Variants in SPOCK1 observed in about 807,000 individuals in gnomAD.
The protein encoded by SPOCK1 is SPARC (osteonectin), cwcv and kazal like domains proteoglycan 1.
SPOCK1 carries 23 observed loss-of-function variants against 55.3 expected under a neutral mutation model. The ratio of observed to expected loss-of-function variants is 0.42; its 90% CI spans 0.30 to 0.59. SPOCK1 has a LOEUF of 0.59. SPOCK1 is among the 20% of genes least tolerant of loss of function. The probability of loss-of-function intolerance (pLI) is 0.22; values close to 1 mark genes in which losing one functional copy is unlikely to be tolerated. For missense variants in SPOCK1, 499 were observed against 552.5 expected (o/e 0.90, Z 0.97); for synonymous variants, 226 against 221.0 (o/e 1.02, Z -0.20).
At chr5:137,429,496 A>C (rs924244827) in intron 2 of SPOCK1, among the ~76,000 whole-genome samples, 31 of 152,236 alleles carry the variant, frequency 2.0e-4, no homozygotes, top group African/African-American at 7.0e-4. Context: ...AGCTCCATGA[A>C]GGCAGAAACA....
rs1310903489 is a variant in SPOCK1, at chr5:137,136,837, A to T, written c.347+3743T>A. On this transcript the variant is annotated intron_variant, in intron 4 of 10. Coordinates refer to ENST00000394945, the MANE Select transcript of SPOCK1 (RefSeq NM_004598.4). ...TCTGTCCCTTGCAACCCCACTCTAC[A>T]TTGTTTAACAGCAGGAAGGTGTGAA... Among the ~76,000 whole-genome samples the T allele has an allele frequency of 2.0e-5, 3 of 152,320 alleles. No individual in the cohort carries two copies. The East Asian group carries it at 5.8e-4, about 29-fold the overall frequency.
chr5:137,255,880 A>C (rs1472622838), intron 3 of SPOCK1, among the ~76,000 whole-genome samples: 1 of 152,200 alleles, frequency 6.6e-6, no homozygotes, highest in Non-Finnish European at 1.5e-5. Flanking sequence ...GACTGCAACT[A>C]ACATTTTCCA....
chr5:137,130,164 G>A (rs905133995), intron 4 of SPOCK1, among the ~76,000 whole-genome samples: 1 of 152,152 alleles, frequency 6.6e-6, no homozygotes, highest in East Asian at 1.9e-4. Flanking sequence ...TTTTACCTTT[G>A]CCCCCTGCAA....
intron 4 of SPOCK1, among the ~76,000 whole-genome samples, chr5:137,126,261 C>T (rs545737186): frequency 1.3e-5 from 2 of 152,332 alleles, no homozygotes; most frequent in African/African-American, 2.4e-5. Context: ...CTTTGCCTTC[C>T]ACCATGAGTG....
Position 136,991,228 on chromosome 5 carries a change from G to A in SPOCK1, c.706+1256C>T, listed in dbSNP as rs573725964. 2.7e-3 allele frequency among the ~76,000 whole-genome samples: 405 copies of A among 152,090 alleles called. 2 individuals are homozygous for A. Among genetic ancestry groups the A allele is most frequent in the African/African-American group, 9.0e-3 (374 of 41,472 alleles). ...GGTTGTTCAGAAAACCCAAGGGTCA[G>A]GCTGCTCCTAGAGGATCCAGGGGAA... On this transcript the variant is annotated intron_variant, in intron 7 of 10. Coordinates refer to ENST00000394945, the MANE Select transcript of SPOCK1 (RefSeq NM_004598.4).
chr5:137,342,717 C>G (rs1353975940), intron 2 of SPOCK1, among the ~76,000 whole-genome samples: 1 of 152,214 alleles, frequency 6.6e-6, no homozygotes, highest in African/African-American at 2.4e-5. Context: ...GGAAGATGCT[C>G]AGTTATTCAC....
chr5:137,044,349 T>C (rs866752793), intron 6 of SPOCK1, among the ~76,000 whole-genome samples: 10 of 152,166 alleles, frequency 6.6e-5, no homozygotes, highest in African/African-American at 1.4e-4. Context: ...CACTTTATCG[T>C]GAAAGTTTTA....
intron 3 of SPOCK1, among the ~76,000 whole-genome samples, chr5:137,234,689 T>C (rs187773697): frequency 2.6e-3 from 396 of 152,148 alleles, no homozygotes; most frequent in Middle Eastern, 0.014. Context: ...CCTCCCCTCC[T>C]CCCCTTGAGG....
chr5:137,254,742 A>G (rs989539638), intron 3 of SPOCK1, among the ~76,000 whole-genome samples: 7 of 152,364 alleles, frequency 4.6e-5, no homozygotes, highest in African/African-American at 1.7e-4. Flanking sequence ...GGGTCGAACT[A>G]ATCTACAGTG....
At chr5:137,415,084 C>T (rs1487282029) in intron 2 of SPOCK1, among the ~76,000 whole-genome samples, 1 of 152,034 alleles carries the variant, frequency 6.6e-6, no homozygotes, top group Non-Finnish European at 1.5e-5. Flanking sequence ...ATTTCTAAGT[C>T]CTACTTAAAG....
chr5:137,354,334 T>C (rs975713015), intron 2 of SPOCK1, among the ~76,000 whole-genome samples: 1 of 152,238 alleles, frequency 6.6e-6, no homozygotes, highest in East Asian at 1.9e-4. Flanking sequence ...CCTGCCCTCA[T>C]TGGTCCTCAC....
intron 2 of SPOCK1, among the ~76,000 whole-genome samples, chr5:137,362,537 C>G (rs1292188359): frequency 6.6e-6 from 1 of 151,724 alleles, no homozygotes; most frequent in Non-Finnish European, 1.5e-5. Flanking sequence ...ACCATGTTAG[C>G]CAGGATGGTC....
intron 2 of SPOCK1, among the ~76,000 whole-genome samples, chr5:137,346,607 G>A (rs918270524): frequency 3.3e-5 from 5 of 152,200 alleles, no homozygotes; most frequent in East Asian, 1.9e-4. Context: ...ACTGTAAAGC[G>A]CCATATAAAC....
chr5:137,289,649 T>C (rs1757331006), intron 2 of SPOCK1, among the ~76,000 whole-genome samples: 1 of 152,178 alleles, frequency 6.6e-6, no homozygotes, highest in Admixed American at 6.5e-5. Flanking sequence ...CAGATCTTGC[T>C]TTAAAATGCA....
chr5:137,427,097 G>C (rs1442849670), intron 2 of SPOCK1, among the ~76,000 whole-genome samples: 3 of 152,180 alleles, frequency 2.0e-5, no homozygotes, highest in Admixed American at 6.5e-5. Context: ...AAGAGAGTGG[G>C]TATGCCTTCT....
At chr5:137,385,726 C>T (rs1230383085) in intron 2 of SPOCK1, among the ~76,000 whole-genome samples, 3 of 152,182 alleles carry the variant, frequency 2.0e-5, no homozygotes, top group African/African-American at 7.2e-5. Context: ...GAACACCCCA[C>T]CTGCAGATTA....
At position 137,407,030 on chromosome 5, in the gene SPOCK1, G is replaced by C. The variant is rs566317887; in HGVS notation, c.186+91343C>G. The stretch of plus-strand genomic sequence containing the variant: ...AAGCTGGGTCTTGAACTAAGGTCTT[G>C]CCCTTAACCACTGTGAGGCATTAAC... On this transcript the variant is annotated intron_variant, in intron 2 of 10. Coordinates refer to ENST00000394945, the MANE Select transcript of SPOCK1 (RefSeq NM_004598.4). Among the ~76,000 whole-genome samples the C allele has an allele frequency of 2.0e-5, 3 of 152,316 alleles. No individual in the cohort carries two copies. In the South Asian group the frequency reaches 6.2e-4, roughly 32 times the overall value.
At chr5:137,169,183 G>A (rs1325385806) in intron 3 of SPOCK1, among the ~76,000 whole-genome samples, 2 of 152,004 alleles carry the variant, frequency 1.3e-5, no homozygotes, top group African/African-American at 4.8e-5. Context: ...ACCAAAGGCT[G>A]GAAAGTGTTG....
intron 2 of SPOCK1, among the ~76,000 whole-genome samples, chr5:137,370,932 C>G (rs1292285296): frequency 6.6e-6 from 1 of 152,222 alleles, no homozygotes; most frequent in Non-Finnish European, 1.5e-5. Flanking sequence ...AAAGGGACAG[C>G]CTGAGACCAG....
Sources: gnomAD v4.1 joint callset for allele counts (sites outside exome capture counted in the v4.1 genomes callset) on GRCh38, gnomAD v4.1.1 for gene constraint, MANE v1.5 for transcripts, NCBI Gene and HGNC (gene_info 2026-07-23, HGNC 2026-07-21) for gene names.